Variants in DIXDC1 observed in about 807,000 individuals in gnomAD.
DIXDC1 encodes DIX domain containing 1.
DIXDC1 carries 64 observed loss-of-function variants against 103.1 expected under a neutral mutation model. The observed-to-expected ratio is 0.62, with a 90% confidence interval of 0.51 to 0.76. The LOEUF (loss-of-function observed/expected upper bound fraction) is 0.76. DIXDC1 is among the 30% of genes least tolerant of loss of function. DIXDC1 has a pLI of 0.00. For synonymous variants in DIXDC1, 266 were observed against 298.5 expected, an observed-to-expected ratio of 0.89 and a Z score of 1.12; for missense variants, 759 against 834.2, an observed-to-expected ratio of 0.91 and a Z score of 1.11.
At position 111,947,279 on chromosome 11, in the gene DIXDC1, C is replaced by CA. The variant is rs782142981; in HGVS notation, c.60+9728dup. On this transcript the variant is annotated intron_variant, in intron 1 of 19. Coordinates refer to ENST00000440460, the MANE Select transcript of DIXDC1 (RefSeq NM_001037954.4). ...TTATAATTTTAAAAAATAATGAGGC[C>CA]AAAAAAAATGAAGAAATGAAACTAC... is the stretch of plus-strand genomic sequence containing the variant. 1.5e-4 allele frequency among the ~76,000 whole-genome samples: 22 copies of CA among 151,146 alleles called. No individual in the cohort carries two copies. The South Asian group carries it at 3.6e-3, about 24-fold the overall frequency.
chr11:111,945,073 G>GTT (rs1221305768), intron 1 of DIXDC1, among the ~76,000 whole-genome samples: 1 of 152,162 alleles, frequency 6.6e-6, no homozygotes, highest in Non-Finnish European at 1.5e-5. Context: ...CCAAGGAAAG[G>GTT]CAGAAAAACT....
intron 17 of DIXDC1, among the ~76,000 whole-genome samples, chr11:112,008,786 A>G (rs1299987124): frequency 6.6e-6 from 1 of 152,264 alleles, no homozygotes; most frequent in African/African-American, 2.4e-5. Context: ...GTACCAGAAT[A>G]CCTGAGACAC....
In DIXDC1 at chr11:111,958,902, C is replaced by T. The variant is rs1429749135; in HGVS notation, c.61-5647C>T. ...TACCCACTCCAGGGTCTCCTCCCTGCTGAATGGTGAGCAGATGATGGGAAA... is the reference window on the plus strand; with the variant it reads ...TACCCACTCCAGGGTCTCCTCCCTGTTGAATGGTGAGCAGATGATGGGAAA... On this transcript the variant is annotated intron_variant, in intron 1 of 19. Coordinates refer to ENST00000440460, the MANE Select transcript of DIXDC1 (RefSeq NM_001037954.4). This position sits in a 1 kb window ranked among gnomAD's most constrained non-coding sequence, Gnocchi z 4.2. Among the ~76,000 whole-genome samples, 1 of 152,102 alleles carries T rather than the reference C, an allele frequency of 6.6e-6. No homozygotes were observed. The highest frequency in any genetic ancestry group is 1.5e-5 in the Non-Finnish European group (1 of 68,016).
chr11:112,013,929 T>C (rs1861509062), intron 17 of DIXDC1, among the ~76,000 whole-genome samples: 1 of 152,150 alleles, frequency 6.6e-6, no homozygotes, highest in South Asian at 2.1e-4. Context: ...AAATGGGAGT[T>C]GGCATGTGCT....
At chr11:111,936,058 CT>C (rs1966177822), upstream of DIXDC1, among the ~76,000 whole-genome samples, 1 of 152,206 alleles carries the variant, frequency 6.6e-6, no homozygotes, top group Non-Finnish European at 1.5e-5. Flanking sequence ...CCATTACTGA[CT>C]TTTCTGGCTA....
Position 111,992,407 on chromosome 11 carries a change from TC to T in DIXDC1, c.1114-4del. On this transcript the variant is annotated splice_region_variant and splice_polypyrimidine_tract_variant and intron_variant, in intron 10 of 19. Transcript: ENST00000440460. ...AGACAACAATAATTAGTATGCTTTT[TC>T]CCCTAGGATGCCTTGCAGCAGAGAT... is the stretch of plus-strand genomic sequence containing the variant. 2 of 1,565,658 alleles carry T rather than the reference TC, an allele frequency of 1.3e-6. No individual in the cohort carries two copies. The highest frequency in any genetic ancestry group is 1.7e-6 in the Non-Finnish European group (2 of 1,154,254).
intron 4 of DIXDC1, 62 bp downstream of exon 4, chr11:111,974,316 G>A: frequency 6.7e-7 from 1 of 1,486,016 alleles, no homozygotes; most frequent in Non-Finnish European, 9.1e-7. Flanking sequence ...TCTGTTAGAT[G>A]ATACAGTGCA....
At chr11:111,931,735 G>C (rs1252050180) in intron 2 of DIXDC1, among the ~76,000 whole-genome samples, 1 of 152,184 alleles carries the variant, frequency 6.6e-6, no homozygotes, top group East Asian at 1.9e-4. Flanking sequence ...CAATTGTAGC[G>C]TCAGATTTTG....
intron 17 of DIXDC1, among the ~76,000 whole-genome samples, chr11:112,007,999 A>G (rs1168158269): frequency 2.6e-5 from 4 of 152,156 alleles, no homozygotes; most frequent in African/African-American, 9.7e-5. Flanking sequence ...CCCCAATGAA[A>G]AGTGACAGAC....
Position 112,019,076 on chromosome 11 carries a change from TC to T in DIXDC1, c.*43del. ...TTGAGGGCTTATGGAACCTGGTCACTCCCTGGCTGCTTCACTCAGGAAAGGG... is the reference window on the plus strand; with the variant it reads ...TTGAGGGCTTATGGAACCTGGTCACTCCTGGCTGCTTCACTCAGGAAAGGG... On this transcript the variant is annotated 3_prime_UTR_variant, in exon 20 of 20. Coordinates refer to ENST00000440460, the MANE Select transcript of DIXDC1 (RefSeq NM_001037954.4). 1 of 1,554,662 alleles carries T rather than the reference TC, an allele frequency of 6.4e-7. No homozygotes were observed. The highest frequency in any genetic ancestry group is 1.1e-5 in the South Asian group (1 of 87,672).
At position 111,994,939 on chromosome 11, in the gene DIXDC1, A is replaced by G. The variant is rs1032115908; in HGVS notation, c.1438-80A>G. On this transcript the variant is annotated intron_variant, in intron 14 of 19. Transcript: ENST00000440460. ...TATATACTTCATCAGGAAGTGATAA[A>G]TGTAAAGAAGAAAAATAAGATAGCA... is the stretch of plus-strand genomic sequence containing the variant. 2.1e-5 allele frequency: 27 copies of G among 1,269,442 alleles called. No homozygotes were observed. In the Admixed American group the frequency reaches 4.9e-4, roughly 23 times the overall value. The allele number at this position is 1,269,442 out of a possible 1,614,324, so 78.6% of individuals were successfully genotyped here. A position where few individuals can be genotyped will look rare whatever the true frequency, so the allele number is the denominator to read the frequency against.
At chr11:111,962,010 TG>T (rs1257942950) in intron 1 of DIXDC1, among the ~76,000 whole-genome samples, 1 of 152,188 alleles carries the variant, frequency 6.6e-6, no homozygotes, top group Non-Finnish European at 1.5e-5. Context: ...GTCATAGCTT[TG>T]TTTCTACCAG....
chr11:111,991,092 C>T (rs1415177310), intron 10 of DIXDC1, among the ~76,000 whole-genome samples: 2 of 152,204 alleles, frequency 1.3e-5, no homozygotes, highest in Non-Finnish European at 2.9e-5. Flanking sequence ...GGCTGCTTTT[C>T]CCCTCTTCCT....
intron 1 of DIXDC1, among the ~76,000 whole-genome samples, chr11:111,952,975 G>A (rs1419004762): frequency 1.3e-5 from 2 of 152,128 alleles, no homozygotes; most frequent in Non-Finnish European, 2.9e-5. Context: ...GGGCAACAGA[G>A]CAAGACCCTG....
At chr11:112,014,737 A>G (rs1412103757) in intron 17 of DIXDC1, among the ~76,000 whole-genome samples, 1 of 152,236 alleles carries the variant, frequency 6.6e-6, no homozygotes, top group Non-Finnish European at 1.5e-5. Flanking sequence ...GTAGGTAATA[A>G]ATGTTTGTTG....
upstream of DIXDC1, among the ~76,000 whole-genome samples, chr11:111,933,691 C>CTAA (rs1555167881): frequency 8.9e-6 from 1 of 111,804 alleles, no homozygotes; most frequent in African/African-American, 3.5e-5. Context: ...CTCTCTCTCT[C>CTAA]AAAAAAAAAA....
chr11:111,932,320 G>C lies in DIXDC1; in HGVS notation c.57+2410G>C, dbSNP rs369522633. On this transcript the variant is annotated intron_variant, in intron 2 of 5. Coordinates refer to the DIXDC1 transcript ENST00000529225. ...CCCAAAGTGTTGGGATTACAGGCGT[G>C]AGCCACCACGCCTGGCCACTGGCAG... Among the ~76,000 whole-genome samples, 89 of 150,772 alleles carry C rather than the reference G, an allele frequency of 5.9e-4. 1 individual carries two copies. Among genetic ancestry groups the C allele is most frequent in the African/African-American group, 2.1e-3 (88 of 41,106 alleles).
At chr11:111,995,999 A>T in intron 16 of DIXDC1, 81 bp from the exon 17 acceptor site, 1 of 1,277,668 alleles carries the variant, frequency 7.8e-7, no homozygotes, top group Non-Finnish European at 1.1e-6. Context: ...GTAGTATTTT[A>T]AGCACACTTT....
upstream of DIXDC1, chr11:111,937,130 G>GGGGGGT (rs1555168208): frequency 3.0e-6 from 2 of 675,338 alleles, 1 homozygote; most frequent in East Asian, 2.7e-4. Context: ...TGCGGCCCGG[G>GGGGGGT]CGGGGGGGGG....
Sources: allele counts gnomAD v4.1 joint callset (sites outside exome capture counted in the v4.1 genomes callset), GRCh38; gene constraint gnomAD v4.1.1; non-coding constraint Gnocchi (gnomAD v3.1); transcripts MANE v1.5; gene names NCBI Gene and HGNC (gene_info 2026-07-23, HGNC 2026-07-21).